Variants in MTF1 observed in about 807,000 individuals in gnomAD.
MTF1 encodes MRE-binding transcription factor.
A neutral mutation model predicts 70.4 loss-of-function variants in MTF1; 22 were observed. That is an observed-to-expected ratio of 0.31 (90% confidence interval 0.22 to 0.45). The LOEUF (loss-of-function observed/expected upper bound fraction) is 0.45. Among genes scored for constraint, MTF1 ranks in the 20% least tolerant of loss-of-function variants. The probability of loss-of-function intolerance (pLI) is 1.00; values close to 1 mark genes in which losing one functional copy is unlikely to be tolerated. For missense variants in MTF1, 649 were observed against 922.0 expected (o/e 0.70, Z 3.83); for synonymous variants, 333 against 352.8 (o/e 0.94, Z 0.63).
At chr1:37,824,096 T>A (rs190074784) in intron 7 of MTF1, among the ~76,000 whole-genome samples, 1 of 152,228 alleles carries the variant, frequency 6.6e-6, no homozygotes, top group Admixed American at 6.5e-5. Flanking sequence ...CCACTCAACC[T>A]CAGACTCCTA....
intron 7 of MTF1, among the ~76,000 whole-genome samples, chr1:37,825,846 A>G (rs1640994558): frequency 6.6e-6 from 1 of 152,236 alleles, no homozygotes; most frequent in Non-Finnish European, 1.5e-5. Context: ...AGAATACAAT[A>G]CATAATACAT....
intron 9 of MTF1, among the ~76,000 whole-genome samples, chr1:37,818,656 A>G (rs1640859303): frequency 1.4e-5 from 2 of 147,658 alleles, no homozygotes; most frequent in Non-Finnish European, 3.0e-5. Context: ...GTGAGCCGAG[A>G]TCGCGCCACT....
chr1:37,826,644 T>C, intron 7 of MTF1: 1 of 434,816 alleles, frequency 2.3e-6, no homozygotes, highest in Non-Finnish European at 4.5e-6. Flanking sequence ...TTTTCTTCAT[T>C]TCAGTGATCC....
At chr1:37,854,703 G>A (rs1004960752) in intron 2 of MTF1, among the ~76,000 whole-genome samples, 1 of 152,190 alleles carries the variant, frequency 6.6e-6, no homozygotes, top group Non-Finnish European at 1.5e-5. Context: ...AGAGATAAGA[G>A]CCATACTGTA....
At chr1:37,852,531 T>G (rs1487906892) in intron 2 of MTF1, among the ~76,000 whole-genome samples, 1 of 152,222 alleles carries the variant, frequency 6.6e-6, no homozygotes, top group African/African-American at 2.4e-5. Flanking sequence ...TGCTTAACTC[T>G]TCACCTAGAT....
chr1:37,837,723 C>G (rs1042726994), intron 4 of MTF1, among the ~76,000 whole-genome samples: 1 of 152,146 alleles, frequency 6.6e-6, no homozygotes, highest in African/African-American at 2.4e-5. Flanking sequence ...CCAGGCTGGT[C>G]TTAAACTCCT....
Position 37,839,904 on chromosome 1 carries a change from T to TC in MTF1, c.647+15_647+16insG, listed in dbSNP as rs780572085. The TC allele has an allele frequency of 1.9e-5, 30 of 1,598,788 alleles. No homozygotes were observed. The East Asian group carries it at 6.7e-4, about 36-fold the overall frequency. On this transcript the variant is annotated intron_variant, in intron 3 of 10. Coordinates refer to ENST00000373036, the MANE Select transcript of MTF1 (RefSeq NM_005955.3). ...TCAAGGTCAGAGGCTGGCAGAGCAT[T>TC]GGAGACGAGACTGACCTGTACAGTG... is the stretch of plus-strand genomic sequence containing the variant.
At chr1:37,845,726 G>C (rs1641322076) in intron 2 of MTF1, among the ~76,000 whole-genome samples, 1 of 152,036 alleles carries the variant, frequency 6.6e-6, no homozygotes, top group Admixed American at 6.6e-5. Flanking sequence ...GGCTGGTCGG[G>C]AACTCCTGGC....
At chr1:37,858,820 GA>G (rs1412532205) in intron 1 of MTF1, among the ~76,000 whole-genome samples, 1 of 152,178 alleles carries the variant, frequency 6.6e-6, no homozygotes, top group African/African-American at 2.4e-5. Flanking sequence ...TCATGTTCTG[GA>G]ATAGTGATTC....
intron 6 of MTF1, among the ~76,000 whole-genome samples, chr1:37,833,622 G>A (rs1025185175): frequency 2.6e-5 from 4 of 152,076 alleles, no homozygotes; most frequent in South Asian, 2.1e-4. Flanking sequence ...TCCTCCCCAC[G>A]TAGAGCTTAC....
rs1557598727 is a variant in MTF1 at position 37,850,565 on chromosome 1, AAAG to A, written c.408+6683_408+6685del. The stretch of plus-strand genomic sequence containing the variant: ...AGAAAGAGAAAAAAAAGGGAGAGAG[AAAG>A]AGAGAGAGAGAGAGAGAGAGATCTC... On this transcript the variant is annotated intron_variant, in intron 2 of 10. Transcript: ENST00000373036. Among the ~76,000 whole-genome samples, 751 of 151,042 alleles carry A rather than the reference AAAG, an allele frequency of 5.0e-3. 5 individuals carry two copies. Among genetic ancestry groups the A allele is most frequent in the African/African-American group, 0.017 (705 of 40,770 alleles).
chr1:37,826,704 C>T (rs976648448), intron 7 of MTF1: 33 of 402,012 alleles, frequency 8.2e-5, no homozygotes, highest in Non-Finnish European at 2.9e-5. Context: ...TGAGGCCAGG[C>T]GCAGTGGCTC....
intron 2 of MTF1, among the ~76,000 whole-genome samples, chr1:37,852,747 C>T (rs1641435631): frequency 6.6e-6 from 1 of 152,114 alleles, no homozygotes; most frequent in Non-Finnish European, 1.5e-5. Context: ...TCTCCTGCCT[C>T]AGCCTCCCAA....
Position 37,843,324 on chromosome 1 carries a change from C to T in MTF1, c.409-3166G>A, listed in dbSNP as rs1463115080. Among the ~76,000 whole-genome samples the T allele has an allele frequency of 5.3e-5, 8 of 151,936 alleles. No homozygotes were observed. The South Asian group carries it at 6.2e-4, about 12-fold the overall frequency. ...CCTGGTTTTTTTTTTTAAAGTAAGTCAGTTCTTGAACATATTTGGAGGCAG... is the reference window on the plus strand; with the variant it reads ...CCTGGTTTTTTTTTTTAAAGTAAGTTAGTTCTTGAACATATTTGGAGGCAG... On this transcript the variant is annotated intron_variant, in intron 2 of 10. Transcript: ENST00000373036.
chr1:37,820,400 G>C (rs1327499798), intron 9 of MTF1, among the ~76,000 whole-genome samples: 1 of 152,234 alleles, frequency 6.6e-6, no homozygotes, highest in Non-Finnish European at 1.5e-5. Flanking sequence ...CCAACTCTGG[G>C]ATCAATCTGC....
intron 7 of MTF1, chr1:37,826,707 A>AG (rs1641007614): frequency 2.5e-6 from 1 of 401,424 alleles, no homozygotes; most frequent in Non-Finnish European, 4.9e-6. Context: ...GGCCAGGCGC[A>AG]GTGGCTCACA....
chr1:37,822,315 T>C lies in MTF1; in HGVS notation c.1573A>G (p.Thr525Ala), dbSNP rs778733995. 1.2e-5 allele frequency: 19 copies of C among 1,613,680 alleles called. No individual in the cohort carries two copies. The highest frequency in any genetic ancestry group is 1.6e-5 in the Non-Finnish European group (19 of 1,179,774). Reference sequence around the variant, plus strand: ...ACCATGGCTGGCAGGGGCTCAGTAGTACTTTGTGGTGGGGCTGGTGCTGCC... The same window carrying C: ...ACCATGGCTGGCAGGGGCTCAGTAGCACTTTGTGGTGGGGCTGGTGCTGCC... Reference protein sequence around the residue: ...AVAAPAPPQSTTEPLPAMVQT... With the variant: ...AVAAPAPPQSATEPLPAMVQT... Residue 525 changes from threonine to alanine, a missense_variant, in exon 9 of 11, where the codon ACT becomes GCT. Physicochemically the swap from Thr to Ala is moderately conservative, Grantham distance 58. Coordinates refer to ENST00000373036, the MANE Select transcript of MTF1 (RefSeq NM_005955.3).
rs1300046760 is a variant in MTF1 at position 37,829,640 on chromosome 1, C to T, written c.1068+2605G>A. ...TACTAAAAAACACAACAAAAATTAG[C>T]CAGGCATGGTGGCGGGCGCCTGTAG... On this transcript the variant is annotated intron_variant, in intron 7 of 10. Transcript: ENST00000373036. Among the ~76,000 whole-genome samples the T allele has an allele frequency of 2.0e-5, 3 of 151,992 alleles. No individual in the cohort carries two copies. In the East Asian group the frequency reaches 5.8e-4, roughly 29 times the overall value.
intron 6 of MTF1, chr1:37,834,749 G>A (rs954738852): frequency 1.4e-5 from 7 of 495,972 alleles, no homozygotes; most frequent in Admixed American, 1.1e-4. Context: ...CTTTGCTGGC[G>A]GATGTGGAGT....
Sources: gnomAD v4.1 joint callset for allele counts (sites outside exome capture counted in the v4.1 genomes callset) on GRCh38, gnomAD v4.1.1 for gene constraint, MANE v1.5 for transcripts, NCBI Gene and HGNC (gene_info 2026-07-23, HGNC 2026-07-21) for gene names.